The following CNOT4 variants were observed in gnomAD, a reference collection of about 807,000 sequenced individuals.
CNOT4 encodes the protein CCR4-NOT transcription complex subunit 4, also known as CCR4-associated factor 4.
Under a neutral mutation model 73.8 loss-of-function variants are expected in CNOT4, and 8 were observed. The ratio of observed to expected loss-of-function variants is 0.11; its 90% CI spans 0.06 to 0.20. CNOT4 has a LOEUF of 0.20. Ranked by LOEUF, CNOT4 falls within the 10% of genes least tolerant of loss-of-function variation. CNOT4 has a pLI of 1.00. For missense variants in CNOT4, 564 were observed against 883.4 expected (o/e 0.64, Z 4.58); for synonymous variants, 293 against 321.1 (o/e 0.91, Z 0.94).
At chr7:135,427,770 T>C (rs972945863) in intron 2 of CNOT4, among the ~76,000 whole-genome samples, 2 of 152,216 alleles carry the variant, frequency 1.3e-5, no homozygotes, top group South Asian at 2.1e-4. Context: ...AAATTTTTTT[T>C]TTCTTCTTAC....
chr7:135,446,045 C>G (rs1307789005), intron 1 of CNOT4, among the ~76,000 whole-genome samples: 1 of 152,110 alleles, frequency 6.6e-6, no homozygotes, highest in African/African-American at 2.4e-5. Context: ...CCACACCCAG[C>G]TAATTTTTTA....
chr7:135,370,458 G>A (rs936174732), intron 10 of CNOT4, among the ~76,000 whole-genome samples: 1 of 152,004 alleles, frequency 6.6e-6, no homozygotes, highest in Non-Finnish European at 1.5e-5. Context: ...TCCAAAAGTC[G>A]AAGTCTCTTC....
chr7:135,426,598 G>A lies in CNOT4; in HGVS notation c.175-4245C>T, dbSNP rs1366591796. 2.0e-4 allele frequency among the ~76,000 whole-genome samples: 19 copies of A among 95,828 alleles called. No homozygotes were observed. In the South Asian group the frequency reaches 4.9e-3, roughly 25 times the overall value. 62.9% of individuals were successfully genotyped at this position (95,828 alleles called of 152,430 possible). A position where few individuals can be genotyped will look rare whatever the true frequency, so the allele number is the denominator to read the frequency against. ...AGCCTGGGTGACAGAGCAAGACTCC[G>A]TCTCAAAAAAAAAAAAAAAAGAAAG... On this transcript the variant is annotated intron_variant, in intron 2 of 11. Transcript: ENST00000541284.
At chr7:135,382,966 G>C (rs1314206000) in intron 10 of CNOT4, among the ~76,000 whole-genome samples, 1 of 151,936 alleles carries the variant, frequency 6.6e-6, no homozygotes, top group Non-Finnish European at 1.5e-5. Context: ...TTTTCCTAGA[G>C]GTCACCTCCT....
chr7:135,442,725 G>C (rs1036999722), intron 1 of CNOT4, among the ~76,000 whole-genome samples: 2 of 152,062 alleles, frequency 1.3e-5, no homozygotes, highest in Non-Finnish European at 2.9e-5. Flanking sequence ...CCTGAGTGGG[G>C]TGCAGGAGTC....
At chr7:135,507,780 A>G (rs1306572748) in intron 1 of CNOT4, among the ~76,000 whole-genome samples, 2 of 152,184 alleles carry the variant, frequency 1.3e-5, no homozygotes, top group African/African-American at 4.8e-5. Context: ...TACAACAAAA[A>G]GTATATTTTT....
At chr7:135,389,790 G>T (rs1796309625) in intron 10 of CNOT4, among the ~76,000 whole-genome samples, 1 of 151,968 alleles carries the variant, frequency 6.6e-6, no homozygotes, top group Admixed American at 6.6e-5. Context: ...TTAACATCAT[G>T]GAATAAAAAC....
At chr7:135,419,868 C>G (rs1396379986) in intron 3 of CNOT4, among the ~76,000 whole-genome samples, 1 of 151,296 alleles carries the variant, frequency 6.6e-6, no homozygotes, top group Non-Finnish European at 1.5e-5. Context: ...CATGGTGAAA[C>G]CCCATCTCCA....
chr7:135,384,070 T>C (rs182624071), intron 10 of CNOT4, among the ~76,000 whole-genome samples: 1 of 152,206 alleles, frequency 6.6e-6, no homozygotes, highest in Non-Finnish European at 1.5e-5. Flanking sequence ...TAAGCAACTA[T>C]TTACAATGCA....
chr7:135,493,647 GA>G (rs926144456), intron 1 of CNOT4, among the ~76,000 whole-genome samples: 10 of 152,134 alleles, frequency 6.6e-5, no homozygotes, highest in African/African-American at 2.4e-4. Flanking sequence ...AACTGACATA[GA>G]AAGGGAAAAG....
At chr7:135,434,047 A>G (rs1799009089) in intron 2 of CNOT4, among the ~76,000 whole-genome samples, 1 of 152,200 alleles carries the variant, frequency 6.6e-6, no homozygotes, top group Non-Finnish European at 1.5e-5. Context: ...TGAGAACAGG[A>G]GCTTGATTCA....
chr7:135,480,045 A>T (rs1036216673), intron 1 of CNOT4, among the ~76,000 whole-genome samples: 1 of 152,258 alleles, frequency 6.6e-6, no homozygotes, highest in South Asian at 2.1e-4. Context: ...AAAAGTTCAC[A>T]TAATAAGATA....
chr7:135,426,446 A>C (rs974937965), intron 2 of CNOT4, among the ~76,000 whole-genome samples: 9 of 151,360 alleles, frequency 5.9e-5, no homozygotes, highest in South Asian at 2.1e-4. Flanking sequence ...ACTAAAAATA[A>C]AAAAAAATTA....
intron 7 of CNOT4, among the ~76,000 whole-genome samples, chr7:135,399,218 C>T (rs1193686813): frequency 6.6e-6 from 1 of 152,004 alleles, no homozygotes; most frequent in Non-Finnish European, 1.5e-5. Context: ...TTGAGACATG[C>T]ATTGATAGGT....
intron 10 of CNOT4, among the ~76,000 whole-genome samples, chr7:135,377,089 AGATT>A (rs926031868): frequency 6.6e-6 from 1 of 152,224 alleles, no homozygotes; most frequent in Non-Finnish European, 1.5e-5. Context: ...TAAGGTTTTC[AGATT>A]GTTTTTAAAA....
chr7:135,465,010 C>T lies in CNOT4; in HGVS notation c.-92-26587G>A, dbSNP rs115362568. ...ATTAGAGTACTTTTTTGTATACATACTATTATTTTATACATCAGATTGCTG... is the reference window on the plus strand; with the variant it reads ...ATTAGAGTACTTTTTTGTATACATATTATTATTTTATACATCAGATTGCTG... On this transcript the variant is annotated intron_variant, in intron 1 of 11. Coordinates refer to ENST00000541284, the MANE Select transcript of CNOT4 (RefSeq NM_001190850.2). Among the ~76,000 whole-genome samples, 1,190 of 152,098 alleles carry T rather than the reference C, an allele frequency of 7.8e-3. 18 individuals carry two copies. The highest frequency in any genetic ancestry group is 0.027 in the African/African-American group (1,133 of 41,500).
At chr7:135,488,064 G>A (rs997524349) in intron 1 of CNOT4, among the ~76,000 whole-genome samples, 5 of 150,334 alleles carry the variant, frequency 3.3e-5, no homozygotes, top group South Asian at 4.2e-4. Context: ...CCGAGACTCC[G>A]TCTCAAAGAA....
chr7:135,457,822 T>C (rs1435064767), intron 1 of CNOT4, among the ~76,000 whole-genome samples: 3 of 152,094 alleles, frequency 2.0e-5, no homozygotes, highest in Non-Finnish European at 2.9e-5. Flanking sequence ...TATACAGATA[T>C]CAAGAGCATA....
chr7:135,428,665 A>C (rs1033003517), intron 2 of CNOT4, among the ~76,000 whole-genome samples: 1 of 152,168 alleles, frequency 6.6e-6, no homozygotes, highest in African/African-American at 2.4e-5. Context: ...CTAAGGTATG[A>C]AGGAGAAAGA....
Sources: allele counts gnomAD v4.1 joint callset (sites outside exome capture counted in the v4.1 genomes callset), GRCh38; gene constraint gnomAD v4.1.1; transcripts MANE v1.5; gene names NCBI Gene and HGNC (gene_info 2026-07-23, HGNC 2026-07-21).